Variants in ADGRL2 observed in about 807,000 individuals in gnomAD.
ADGRL2 encodes the protein calcium-independent alpha-latrotoxin receptor 2.
ADGRL2 carries 44 observed loss-of-function variants against 157.4 expected under a neutral mutation model. The observed-to-expected ratio is 0.28, with a 90% CI of 0.22 to 0.36. The LOEUF (loss-of-function observed/expected upper bound fraction) is 0.36, where lower values mean the gene tolerates loss of function less well. Ranked by LOEUF, ADGRL2 falls within the 10% of genes least tolerant of loss-of-function variation. ADGRL2 has a pLI of 1.00. For synonymous variants in ADGRL2, 585 were observed against 624.7 expected, an observed-to-expected ratio of 0.94 and a Z score of 0.95; for missense variants, 1,510 against 1,768.9, an observed-to-expected ratio of 0.85 and a Z score of 2.63.
chr1:81,691,577 C>A (rs1032113762), intron 3 of ADGRL2, among the ~76,000 whole-genome samples: 2 of 151,918 alleles, frequency 1.3e-5, no homozygotes, highest in African/African-American at 4.8e-5. Context: ...CGGCTCACTG[C>A]AACCTCCACT....
chr1:81,901,831 A>G (rs2094493382), intron 2 of ADGRL2, among the ~76,000 whole-genome samples: 1 of 152,296 alleles, frequency 6.6e-6, no homozygotes, highest in East Asian at 1.9e-4. Flanking sequence ...TTTCAGGAAA[A>G]TAGTGTAAAA....
intron 1 of ADGRL2, among the ~76,000 whole-genome samples, chr1:81,318,712 A>G (rs538979184): frequency 6.6e-6 from 1 of 152,116 alleles, no homozygotes; most frequent in South Asian, 2.1e-4. Flanking sequence ...CTTAAAATTA[A>G]ATTTATTTTG....
chr1:81,837,906 T>C (rs963764357), intron 2 of ADGRL2, among the ~76,000 whole-genome samples: 1 of 151,942 alleles, frequency 6.6e-6, no homozygotes, highest in Non-Finnish European at 1.5e-5. Context: ...GTGGCAGTTA[T>C]TGGCACGAAA....
At chr1:81,653,219 C>G (rs1484083706) in intron 3 of ADGRL2, among the ~76,000 whole-genome samples, 1 of 151,828 alleles carries the variant, frequency 6.6e-6, no homozygotes, top group Non-Finnish European at 1.5e-5. Context: ...TTGAAGAGTC[C>G]TCCTCCATTA....
chr1:81,942,966 T>A lies in ADGRL2; in HGVS notation c.410-3T>A. On this transcript the variant is annotated splice_polypyrimidine_tract_variant and splice_region_variant and intron_variant, in intron 5 of 23. Coordinates refer to ENST00000686636, the MANE Select transcript of ADGRL2 (RefSeq NM_001366006.2). The stretch of plus-strand genomic sequence containing the variant: ...AATTTTTGTCTTTCTCTGTAACTGT[T>A]AGTTTTTGTGTGTCCTGGGACCTTG... 1 of 1,600,834 alleles carries A rather than the reference T, an allele frequency of 6.2e-7. No homozygotes were observed. Among genetic ancestry groups the A allele is most frequent in the Non-Finnish European group, 8.5e-7 (1 of 1,171,326 alleles).
intron 3 of ADGRL2, among the ~76,000 whole-genome samples, chr1:81,921,968 A>G (rs1433092902): frequency 6.6e-6 from 1 of 152,204 alleles, no homozygotes; most frequent in Non-Finnish European, 1.5e-5. Context: ...TTGTTAGAGT[A>G]CAGTCTGATG....
At chr1:81,973,303 GT>G (rs1360094325) in intron 17 of ADGRL2, among the ~76,000 whole-genome samples, 1 of 152,132 alleles carries the variant, frequency 6.6e-6, no homozygotes, top group Admixed American at 6.6e-5. Flanking sequence ...GATTGCCCAA[GT>G]TTTTGTTCTT....
chr1:81,520,314 A>T (rs2079282855), intron 2 of ADGRL2, among the ~76,000 whole-genome samples: 1 of 152,116 alleles, frequency 6.6e-6, no homozygotes, highest in Non-Finnish European at 1.5e-5. Context: ...AAAACCAATT[A>T]TATTAGGTAG....
At chr1:81,836,110 A>ATG (rs2092266146) in intron 1 of ADGRL2, among the ~76,000 whole-genome samples, 1 of 152,058 alleles carries the variant, frequency 6.6e-6, no homozygotes, top group Non-Finnish European at 1.5e-5. Context: ...CATCGAAATG[A>ATG]TGTAATGAGT....
intron 17 of ADGRL2, among the ~76,000 whole-genome samples, chr1:81,979,482 T>C (rs976344154): frequency 2.6e-5 from 4 of 151,852 alleles, no homozygotes; most frequent in African/African-American, 9.7e-5. Context: ...CCAAGACTTA[T>C]GGTTTCAAAC....
intron 1 of ADGRL2, chr1:81,723,044 T>C (rs1465305543): frequency 1.3e-6 from 1 of 762,296 alleles, no homozygotes; most frequent in Non-Finnish European, 2.4e-6. Context: ...TATCAGTAAA[T>C]TGTCAGCCAA....
chr1:81,441,015 CAT>C (rs1375661902), intron 1 of ADGRL2, among the ~76,000 whole-genome samples: 4 of 152,108 alleles, frequency 2.6e-5, no homozygotes, highest in African/African-American at 7.2e-5. Context: ...ATTCATAACA[CAT>C]GTTTCTCTCT....
chr1:81,400,143 G>T (rs912395916), intron 1 of ADGRL2, among the ~76,000 whole-genome samples: 1 of 152,052 alleles, frequency 6.6e-6, no homozygotes, highest in African/African-American at 2.4e-5. Context: ...CAGTGGTAAG[G>T]GCTTTGGGGG....
intron 11 of ADGRL2, among the ~76,000 whole-genome samples, chr1:81,959,654 A>G (rs917495963): frequency 1.3e-5 from 2 of 152,200 alleles, no homozygotes; most frequent in Non-Finnish European, 2.9e-5. Flanking sequence ...CTCTTTAAAA[A>G]ACCACAATAC....
At chr1:81,743,750 G>C (rs949199753) in intron 1 of ADGRL2, among the ~76,000 whole-genome samples, 1 of 151,954 alleles carries the variant, frequency 6.6e-6, no homozygotes, top group African/African-American at 2.4e-5. Flanking sequence ...TTCTATTGTC[G>C]TAACCACATA....
chr1:81,899,721 G>T (rs767173825), intron 2 of ADGRL2, among the ~76,000 whole-genome samples: 1 of 152,090 alleles, frequency 6.6e-6, no homozygotes, highest in Non-Finnish European at 1.5e-5. Flanking sequence ...TTATTTTTTT[G>T]TTGTTGTTGA....
chr1:81,378,897 C>T (rs2076297445), intron 1 of ADGRL2, among the ~76,000 whole-genome samples: 2 of 152,084 alleles, frequency 1.3e-5, no homozygotes, highest in South Asian at 2.1e-4. Context: ...TTTACAATAC[C>T]CTTCCTTTCA....
chr1:81,662,252 CTTT>C (rs368764970), intron 3 of ADGRL2, among the ~76,000 whole-genome samples: 13 of 127,500 alleles, frequency 1.0e-4, no homozygotes, highest in Middle Eastern at 4.2e-3. Context: ...CTCATTCATT[CTTT>C]TTTTTTTTTT....
intron 1 of ADGRL2, among the ~76,000 whole-genome samples, chr1:81,357,384 T>C (rs1393912913): frequency 1.3e-5 from 2 of 152,214 alleles, no homozygotes; most frequent in Non-Finnish European, 2.9e-5. Flanking sequence ...CATTCTAGGC[T>C]CCTTTATATT....
Sources: gnomAD v4.1 joint callset for allele counts (sites outside exome capture counted in the v4.1 genomes callset) on GRCh38, gnomAD v4.1.1 for gene constraint, MANE v1.5 for transcripts, NCBI Gene and HGNC (gene_info 2026-07-23, HGNC 2026-07-21) for gene names.